The following PPFIBP2 variants were observed in gnomAD, a reference collection of about 807,000 sequenced individuals.
PPFIBP2 encodes the protein PPFIB scaffold protein 2, also known as liprin-beta-2.
A neutral mutation model predicts 118.3 loss-of-function variants in PPFIBP2; 118 were observed. The observed-to-expected ratio is 1.00, with a 90% CI of 0.86 to 1.16. The LOEUF (loss-of-function observed/expected upper bound fraction) is 1.16, where lower values mean the gene tolerates loss of function less well. Ranked by LOEUF, PPFIBP2 falls within the 50% of genes most tolerant of loss-of-function variation. The probability of loss-of-function intolerance (pLI) is 0.00; values close to 1 mark genes in which losing one functional copy is unlikely to be tolerated. For missense variants in PPFIBP2, 1,195 were observed against 1,073.1 expected (o/e 1.11, Z -1.59); for synonymous variants, 414 against 397.4 (o/e 1.04, Z -0.50).
At chr11:7,656,058 A>C (rs763291813), downstream of PPFIBP2, among the ~76,000 whole-genome samples, 2 of 152,202 alleles carry the variant, frequency 1.3e-5, no homozygotes, top group Non-Finnish European at 2.9e-5. Flanking sequence ...CTCTGACTTC[A>C]CTAGCTCTGT....
chr11:7,557,168 C>T (rs7126779), intron 2 of PPFIBP2, among the ~76,000 whole-genome samples: 2,020 of 152,082 alleles, frequency 0.013, 43 homozygotes, highest in African/African-American at 0.046. Context: ...ATCTATCTTC[C>T]TCTCCAATAA....
chr11:7,597,843 G>A (rs760404801), intron 5 of PPFIBP2, 170 bp downstream of exon 5: 37 of 591,770 alleles, frequency 6.3e-5, no homozygotes, highest in African/African-American at 2.4e-4. Context: ...CAACCTGAAC[G>A]TTGAGAGTGG....
chr11:7,535,756 A>T (rs1389025397), intron 1 of PPFIBP2, among the ~76,000 whole-genome samples: 1 of 152,108 alleles, frequency 6.6e-6, no homozygotes, highest in African/African-American at 2.4e-5. Flanking sequence ...AGGTGAGAGG[A>T]GGTTCTCCAG....
intron 2 of PPFIBP2, among the ~76,000 whole-genome samples, chr11:7,564,996 G>A (rs183095211): frequency 1.1e-4 from 17 of 149,944 alleles, no homozygotes; most frequent in East Asian, 5.8e-4. Context: ...GTGGCCAACT[G>A]TGTAATCTAT....
the PPFIBP2 span, among the ~76,000 whole-genome samples, chr11:7,664,193 G>A: frequency 6.6e-6 from 1 of 152,168 alleles, no homozygotes; most frequent in Non-Finnish European, 1.5e-5. Flanking sequence ...CATTCTTAAT[G>A]GGGGTTTGGG....
intron 1 of PPFIBP2, among the ~76,000 whole-genome samples, chr11:7,526,308 A>C (rs921187692): frequency 6.6e-6 from 1 of 152,232 alleles, no homozygotes; most frequent in Non-Finnish European, 1.5e-5. Context: ...ATCCCTGGTC[A>C]GTCAAGTGAG....
intron 3 of PPFIBP2, among the ~76,000 whole-genome samples, chr11:7,585,779 G>A (rs1590380588): frequency 6.6e-6 from 1 of 152,226 alleles, no homozygotes; most frequent in African/African-American, 2.4e-5. Flanking sequence ...CAGTCAGAGG[G>A]TGATGTCTTT....
In PPFIBP2 at chr11:7,634,484, G is replaced by T. The variant is rs771191725; in HGVS notation, c.1137-11G>T. ...TCTCATAACTATTTCTTTCTTTTGT[G>T]TTTTTTTCAGGGCTCAGAAAAAGCT... On this transcript the variant is annotated splice_polypyrimidine_tract_variant and intron_variant, in intron 12 of 23. Transcript: ENST00000299492. The T allele has an allele frequency of 2.5e-6, 4 of 1,602,568 alleles. No homozygotes were observed. Among genetic ancestry groups the T allele is most frequent in the Non-Finnish European group, 3.4e-6 (4 of 1,169,686 alleles).
At chr11:7,549,304 C>A in intron 1 of PPFIBP2, 136 bp from the exon 2 acceptor site, 2 of 761,122 alleles carry the variant, frequency 2.6e-6, no homozygotes, top group Non-Finnish European at 4.4e-6. Flanking sequence ...CATGGAGATG[C>A]AGAAACTACA....
chr11:7,632,168 T>C (rs1850851524), intron 11 of PPFIBP2, among the ~76,000 whole-genome samples: 1 of 152,232 alleles, frequency 6.6e-6, no homozygotes, highest in Non-Finnish European at 1.5e-5. Context: ...TAATGTTCTT[T>C]CCTTTCTTGC....
rs116796833 is a variant in PPFIBP2, at chr11:7,646,666, A to C, written c.1647-1721A>C. Reference sequence around the variant, plus strand: ...CTTGAGCCCAGGAGCTCAAGGCTGTAATAAGCTGTAATTACATCACTACAC... The same window carrying C: ...CTTGAGCCCAGGAGCTCAAGGCTGTCATAAGCTGTAATTACATCACTACAC... On this transcript the variant is annotated intron_variant, in intron 17 of 23. Coordinates refer to ENST00000299492, the MANE Select transcript of PPFIBP2 (RefSeq NM_003621.5). 9.0e-3 allele frequency among the ~76,000 whole-genome samples: 1,377 copies of C among 152,240 alleles called. 23 individuals are homozygous for C. Among genetic ancestry groups the C allele is most frequent in the African/African-American group, 0.032 (1,308 of 41,520 alleles).
At chr11:7,542,256 G>C (rs12788646) in intron 1 of PPFIBP2, among the ~76,000 whole-genome samples, 1 of 152,182 alleles carries the variant, frequency 6.6e-6, no homozygotes, top group Non-Finnish European at 1.5e-5. Flanking sequence ...GATTAAGTGA[G>C]ATAATGTTGG....
chr11:7,562,180 G>A (rs1427451128), intron 2 of PPFIBP2, among the ~76,000 whole-genome samples: 1 of 152,226 alleles, frequency 6.6e-6, no homozygotes, highest in Non-Finnish European at 1.5e-5. Flanking sequence ...ACCTCCTGCT[G>A]TGCAGCCCAG....
chr11:7,642,452 A>G lies in PPFIBP2; in HGVS notation c.1646+26A>G, dbSNP rs77850797. 71 of 1,598,980 alleles carry G rather than the reference A, an allele frequency of 4.4e-5. No individual in the cohort carries two copies. In the East Asian group the frequency reaches 1.6e-3, roughly 35 times the overall value. On this transcript the variant is annotated intron_variant, in intron 17 of 23. Coordinates refer to ENST00000299492, the MANE Select transcript of PPFIBP2 (RefSeq NM_003621.5). ...GTAAGGCTTGACCCACTTTCCTTTG[A>G]TCTCCCTGCTCTGAAAAAGAAGTAT...
chr11:7,592,406 A>C (rs1479760948), intron 3 of PPFIBP2, among the ~76,000 whole-genome samples: 1 of 152,034 alleles, frequency 6.6e-6, no homozygotes, highest in East Asian at 1.9e-4. Flanking sequence ...GTTTCTGGCT[A>C]CCTGTAATTT....
chr11:7,558,273 G>A (rs1196778206), intron 2 of PPFIBP2, among the ~76,000 whole-genome samples: 2 of 152,176 alleles, frequency 1.3e-5, no homozygotes, highest in African/African-American at 4.8e-5. Flanking sequence ...ATTGTGTACT[G>A]GCTCTTAGAC....
At chr11:7,637,371 G>A (rs902792804) in intron 14 of PPFIBP2, among the ~76,000 whole-genome samples, 8 of 152,186 alleles carry the variant, frequency 5.3e-5, no homozygotes, top group Admixed American at 5.2e-4. Flanking sequence ...GATATTTCCT[G>A]TGCTTCTCCT....
chr11:7,657,720 CTG>C (rs1041883142), downstream of PPFIBP2, among the ~76,000 whole-genome samples: 1 of 152,204 alleles, frequency 6.6e-6, no homozygotes, highest in African/African-American at 2.4e-5. Flanking sequence ...AGGGAAAATC[CTG>C]TCTCTCAAGG....
chr11:7,586,383 T>C (rs1858189946), intron 3 of PPFIBP2, among the ~76,000 whole-genome samples: 1 of 152,230 alleles, frequency 6.6e-6, no homozygotes, highest in African/African-American at 2.4e-5. Context: ...CAAAGCTAAA[T>C]CATTTATAAG....
Sources: gnomAD v4.1 joint callset for allele counts (sites outside exome capture counted in the v4.1 genomes callset) on GRCh38, gnomAD v4.1.1 for gene constraint, MANE v1.5 for transcripts, NCBI Gene and HGNC (gene_info 2026-07-23, HGNC 2026-07-21) for gene names.